Variants in ASH1L observed in about 807,000 individuals in gnomAD.
The protein encoded by ASH1L is histone-lysine N-methyltransferase ASH1L.
Under a neutral mutation model 269.0 loss-of-function variants are expected in ASH1L, and 23 were observed. The observed-to-expected ratio is 0.09, with a 90% CI of 0.06 to 0.12. The LOEUF is 0.12. Among genes scored for constraint, ASH1L ranks in the 10% least tolerant of loss-of-function variants. The pLI is 1.00. For synonymous variants in ASH1L, 1,187 were observed against 1,253.5 expected (o/e 0.95, Z 1.12); for missense variants, 2,912 against 3,567.8 (o/e 0.82, Z 4.68).
In ASH1L at chr1:155,521,205, G is replaced by A; in HGVS notation, c.315C>T (p.Asn105=). The change falls in exon 2 of 28, where the codon AAC becomes AAT. Residue 105 remains asparagine, a synonymous_variant. Coordinates refer to ENST00000392403, the MANE Select transcript of ASH1L (RefSeq NM_018489.3). Reference sequence around the variant, plus strand: ...TTTTTATGGCAGGTCGACATACATAGTTCTCCAAGTTCTTTGGAGGTTTTT... The same window carrying A: ...TTTTTATGGCAGGTCGACATACATAATTCTCCAAGTTCTTTGGAGGTTTTT... ...RTKKPPKNLE[N]YVCRPAIKTT... 6.2e-7 allele frequency: 1 copy of A among 1,614,042 alleles called. No homozygotes were observed. The highest frequency in any genetic ancestry group is 1.1e-5 in the South Asian group (1 of 91,072).
chr1:155,411,011 A>T (rs1017668354), intron 6 of ASH1L, among the ~76,000 whole-genome samples: 2 of 152,240 alleles, frequency 1.3e-5, no homozygotes, highest in African/African-American at 4.8e-5. Flanking sequence ...CCCTAAAGTA[A>T]CTACGGACTT....
chr1:155,440,519 T>C, intron 4 of ASH1L: 1 of 942,282 alleles, frequency 1.1e-6, no homozygotes, highest in Non-Finnish European at 1.3e-6. Flanking sequence ...ACTGGGAACA[T>C]GTTTATTCTC....
intron 1 of ASH1L, among the ~76,000 whole-genome samples, chr1:155,525,588 T>C (rs1184923057): frequency 6.6e-6 from 1 of 150,646 alleles, no homozygotes; most frequent in Non-Finnish European, 1.5e-5. Flanking sequence ...GAAAAACGTG[T>C]AACACTTGCA....
intron 1 of ASH1L, among the ~76,000 whole-genome samples, chr1:155,545,638 GA>G (rs1248222613): frequency 1.3e-5 from 2 of 151,048 alleles, no homozygotes; most frequent in Non-Finnish European, 3.0e-5. Context: ...AAAAAAAAAG[GA>G]AAAAAATTAT....
rs1233940481 is a variant in ASH1L at position 155,498,763 on chromosome 1, T to C, written c.421-16314A>G. On this transcript the variant is annotated intron_variant, in intron 2 of 27. Coordinates refer to ENST00000392403, the MANE Select transcript of ASH1L (RefSeq NM_018489.3). ...ACCAGCCGGCTAGTTTTTAAAAATGTTTTGTAGAGACAGGGTCTCTCTATG... is the reference window on the plus strand; with the variant it reads ...ACCAGCCGGCTAGTTTTTAAAAATGCTTTGTAGAGACAGGGTCTCTCTATG... Among the ~76,000 whole-genome samples, 6 of 151,976 alleles carry C rather than the reference T, an allele frequency of 3.9e-5. No homozygotes were observed. In the East Asian group the frequency reaches 9.6e-4, roughly 24 times the overall value.
At chr1:155,483,007 A>T (rs749182122) in intron 2 of ASH1L, among the ~76,000 whole-genome samples, 1 of 152,170 alleles carries the variant, frequency 6.6e-6, no homozygotes, top group East Asian at 1.9e-4. Flanking sequence ...TAGGAAAGAC[A>T]ATTTAAAAAT....
In ASH1L at chr1:155,521,531, G is replaced by C. The variant is rs542278121; in HGVS notation, c.-12C>G. ...TTTCTAGGGTCCATCACAAGCGTATGTTATTGCCAAGGAATCTTATGAAAA... is the reference window on the plus strand; with the variant it reads ...TTTCTAGGGTCCATCACAAGCGTATCTTATTGCCAAGGAATCTTATGAAAA... On this transcript the variant is annotated 5_prime_UTR_variant, in exon 2 of 28. Transcript: ENST00000392403. 1 of 1,582,330 alleles carries C rather than the reference G, an allele frequency of 6.3e-7. No individual in the cohort carries two copies. The highest frequency in any genetic ancestry group is 8.6e-7 in the Non-Finnish European group (1 of 1,168,324).
chr1:155,558,757 C>T (rs908234158), intron 1 of ASH1L, among the ~76,000 whole-genome samples: 1 of 151,994 alleles, frequency 6.6e-6, no homozygotes, highest in Admixed American at 6.6e-5. Context: ...GTATCAAACT[C>T]CTGGGCACAA....
chr1:155,428,823 A>G (rs1474685421), intron 5 of ASH1L, among the ~76,000 whole-genome samples: 10 of 152,200 alleles, frequency 6.6e-5, no homozygotes, highest in Non-Finnish European at 1.5e-4. Context: ...TCTAATATCT[A>G]TAGAAACAAT....
At chr1:155,552,691 G>A (rs995692489) in intron 1 of ASH1L, among the ~76,000 whole-genome samples, 1 of 151,878 alleles carries the variant, frequency 6.6e-6, no homozygotes, top group Non-Finnish European at 1.5e-5. Context: ...AATGAAGAGG[G>A]AAAATACGAA....
rs1665946818 is a variant in ASH1L at position 155,481,333 on chromosome 1, A to C, written c.1537T>G (p.Ser513Ala). The change falls in exon 3 of 28, where the codon TCT becomes GCT. Residue 513 changes from serine (S) to alanine (A), a missense_variant. Transcript: ENST00000392403. Reference protein sequence around the residue: ...QDSFSSSEKGSYETSKHEKQP... With the variant: ...QDSFSSSEKGAYETSKHEKQP... Reference sequence around the variant, plus strand: ...TTTTCATGCTTTGAGGTTTCATAAGATCCCTTTTCACTGGATGAGAAACTG... The same window carrying C: ...TTTTCATGCTTTGAGGTTTCATAAGCTCCCTTTTCACTGGATGAGAAACTG... The C allele has an allele frequency of 6.2e-7, 1 of 1,614,112 alleles. No homozygotes were observed. The highest frequency in any genetic ancestry group is 8.5e-7 in the Non-Finnish European group (1 of 1,179,986).
intron 3 of ASH1L, among the ~76,000 whole-genome samples, chr1:155,462,099 C>T (rs1486619017): frequency 1.3e-5 from 2 of 152,036 alleles, no homozygotes; most frequent in Admixed American, 1.3e-4. Context: ...TGCGCCCAGC[C>T]CTAAGAGCAC....
intron 1 of ASH1L, among the ~76,000 whole-genome samples, chr1:155,559,379 T>C (rs1222326661): frequency 6.6e-6 from 1 of 151,710 alleles, no homozygotes; most frequent in East Asian, 1.9e-4. Context: ...CTACTAAAAA[T>C]ACAAAATTAG....
chr1:155,357,416 A>ACCC lies in ASH1L; in HGVS notation c.6961-7_6961-6insGGG. On this transcript the variant is annotated splice_polypyrimidine_tract_variant and splice_region_variant and intron_variant, in intron 14 of 27. Transcript: ENST00000392403. ...TCCTCAGAGAGATGGCCTCTCTGAA[A>ACCC]AAGAGATGGATCAGATTAGAGATTT... 1 of 1,609,748 alleles carries ACCC rather than the reference A, an allele frequency of 6.2e-7. No individual in the cohort carries two copies. Among genetic ancestry groups the ACCC allele is most frequent in the Non-Finnish European group, 8.5e-7 (1 of 1,176,204 alleles).
intron 5 of ASH1L, among the ~76,000 whole-genome samples, chr1:155,420,363 CA>C (rs781669260): frequency 0.025 from 1,109 of 45,200 alleles, 15 homozygotes; most frequent in African/African-American, 0.085. Flanking sequence ...GACTCCATCT[CA>C]AAAAAAAAAA....
chr1:155,366,305 T>C (rs1655413830), intron 12 of ASH1L, among the ~76,000 whole-genome samples: 2 of 152,142 alleles, frequency 1.3e-5, no homozygotes, highest in South Asian at 4.1e-4. Flanking sequence ...GTCTAAAAAG[T>C]GGAGGAACCC....
chr1:155,410,078 T>C (rs1417480445), intron 6 of ASH1L, among the ~76,000 whole-genome samples: 3 of 151,870 alleles, frequency 2.0e-5, no homozygotes, highest in African/African-American at 4.8e-5. Context: ...GGCAGGAGAA[T>C]TGCTTGAACT....
intron 2 of ASH1L, among the ~76,000 whole-genome samples, chr1:155,497,142 T>A (rs899164695): frequency 2.4e-4 from 37 of 152,188 alleles, no homozygotes; most frequent in Non-Finnish European, 3.7e-4. Context: ...TAGTGCCAAT[T>A]TGATTTGTTT....
intron 3 of ASH1L, among the ~76,000 whole-genome samples, chr1:155,476,162 G>A (rs1242102508): frequency 2.6e-5 from 4 of 152,194 alleles, no homozygotes; most frequent in East Asian, 3.9e-4. Flanking sequence ...CGAGGTGGGC[G>A]GATCACGAGG....
Sources: gnomAD v4.1 joint callset for allele counts (sites outside exome capture counted in the v4.1 genomes callset) on GRCh38, gnomAD v4.1.1 for gene constraint, MANE v1.5 for transcripts, NCBI Gene and HGNC (gene_info 2026-07-23, HGNC 2026-07-21) for gene names.